SHROOM3: variants seen among roughly 807,000 people sequenced by gnomAD.
The protein encoded by SHROOM3 is protein Shroom3.
SHROOM3 carries 47 observed loss-of-function variants against 138.6 expected under a neutral mutation model. That is an observed-to-expected ratio of 0.34 (90% confidence interval 0.27 to 0.43). The LOEUF (loss-of-function observed/expected upper bound fraction) is 0.43. Among genes scored for constraint, SHROOM3 ranks in the 20% least tolerant of loss-of-function variants. The pLI is 1.00. For missense variants in SHROOM3, 2,491 were observed against 2,596.5 expected (o/e 0.96, Z 0.88); for synonymous variants, 1,062 against 1,063.3 (o/e 1.00, Z 0.02).
chr4:76,505,134 T>C (rs552169049), intron 1 of SHROOM3, among the ~76,000 whole-genome samples: 1 of 152,202 alleles, frequency 6.6e-6, no homozygotes, highest in Admixed American at 6.5e-5. Flanking sequence ...TGTGTACCCA[T>C]GTCCCATTAA....
intron 1 of SHROOM3, among the ~76,000 whole-genome samples, chr4:76,537,886 A>G (rs1579221322): frequency 6.6e-6 from 1 of 152,142 alleles, no homozygotes; most frequent in African/African-American, 2.4e-5. Flanking sequence ...TGAATATACT[A>G]AAAACCATTT....
At chr4:76,454,028 G>A (rs1218742754) in intron 1 of SHROOM3, among the ~76,000 whole-genome samples, 1 of 152,084 alleles carries the variant, frequency 6.6e-6, no homozygotes, top group African/African-American at 2.4e-5. Flanking sequence ...CTTTGATCTA[G>A]TTTTAATTTT....
At chr4:76,653,884 T>C (rs1196280188) in intron 2 of SHROOM3, among the ~76,000 whole-genome samples, 4 of 152,178 alleles carry the variant, frequency 2.6e-5, no homozygotes, top group African/African-American at 9.7e-5. Context: ...ATTTTATTTA[T>C]TGAGCCTTTG....
chr4:76,446,760 G>A (rs780420653), intron 1 of SHROOM3, among the ~76,000 whole-genome samples: 3 of 152,292 alleles, frequency 2.0e-5, no homozygotes, highest in Middle Eastern at 6.8e-3. Context: ...GATGAGCCCC[G>A]GTTATGAGCT....
At chr4:76,577,881 T>C (rs1469758386) in intron 2 of SHROOM3, among the ~76,000 whole-genome samples, 1 of 152,168 alleles carries the variant, frequency 6.6e-6, no homozygotes, top group African/African-American at 2.4e-5. Context: ...CCCCAGGAAA[T>C]TGGTTTAGGT....
chr4:76,733,426 G>C (rs537116743), intron 4 of SHROOM3, among the ~76,000 whole-genome samples: 135 of 152,320 alleles, frequency 8.9e-4, no homozygotes, highest in African/African-American at 3.2e-3. Flanking sequence ...CAGCACAAAA[G>C]CACTGCATGG....
At chr4:76,586,486 C>T (rs191237516) in intron 2 of SHROOM3, 1 of 983,530 alleles carries the variant, frequency 1.0e-6, no homozygotes, top group Non-Finnish European at 1.2e-6. Flanking sequence ...CCATTTTAAA[C>T]CAACGATTTC....
chr4:76,770,766 G>A lies in SHROOM3; in HGVS notation c.5490G>A (p.Glu1830=). 3.7e-6 allele frequency: 6 copies of A among 1,614,236 alleles called. No homozygotes were observed. The highest frequency in any genetic ancestry group is 5.1e-6 in the Non-Finnish European group (6 of 1,180,040). The change falls in exon 10 of 11, where the codon GAG becomes GAA. Residue 1830 remains glutamate, a synonymous_variant. Transcript: ENST00000296043. The part of the protein sequence containing the change: ...ALISELCKPN[E]FDKYRMFIGD... Reference sequence around the variant, plus strand: ...TCAGCGAGCTCTGCAAGCCCAATGAGTTTGACAAGTATAGGATGTTCATAG... The same window carrying A: ...TCAGCGAGCTCTGCAAGCCCAATGAATTTGACAAGTATAGGATGTTCATAG...
intron 1 of SHROOM3, among the ~76,000 whole-genome samples, chr4:76,543,400 T>C (rs1204270142): frequency 2.0e-5 from 3 of 152,194 alleles, no homozygotes; most frequent in African/African-American, 7.2e-5. Flanking sequence ...AGCGTGTGGC[T>C]TACCCAAAAG....
rs1732758538 is a variant in SHROOM3, at chr4:76,528,678, C to T, written c.169-26931C>T. On this transcript the variant is annotated intron_variant, in intron 1 of 10. Transcript: ENST00000296043. ...AGCGATTCTCCTGCCTCAGTCTCCC[C>T]AGTAGCTGGGATTATAGGCATGTGC... Among the ~76,000 whole-genome samples, 5 of 151,912 alleles carry T rather than the reference C, an allele frequency of 3.3e-5. No individual in the cohort carries two copies. In the South Asian group the frequency reaches 1.0e-3, roughly 32 times the overall value.
chr4:76,766,149 G>GGAT (rs1412973919), intron 9 of SHROOM3, among the ~76,000 whole-genome samples: 2 of 152,044 alleles, frequency 1.3e-5, no homozygotes, highest in African/African-American at 2.4e-5. Flanking sequence ...CGGTAAACGG[G>GGAT]GATAATAATA....
intron 2 of SHROOM3, among the ~76,000 whole-genome samples, chr4:76,665,493 C>T (rs1413358235): frequency 2.0e-5 from 3 of 152,216 alleles, no homozygotes; most frequent in Non-Finnish European, 4.4e-5. Flanking sequence ...TATGGACTTC[C>T]TGCACCAGCA....
intron 5 of SHROOM3, among the ~76,000 whole-genome samples, chr4:76,744,363 T>C (rs566527308): frequency 2.6e-5 from 4 of 152,184 alleles, no homozygotes; most frequent in Non-Finnish European, 5.9e-5. Context: ...TTCTGAACAA[T>C]GCATAGTCTC....
chr4:76,506,489 TG>T (rs1175412888), intron 1 of SHROOM3, among the ~76,000 whole-genome samples: 2 of 152,204 alleles, frequency 1.3e-5, no homozygotes, highest in Non-Finnish European at 2.9e-5. Context: ...TTGGTGTCTG[TG>T]GATGAGGGGG....
At chr4:76,697,563 T>A (rs965769963) in intron 2 of SHROOM3, among the ~76,000 whole-genome samples, 1 of 152,190 alleles carries the variant, frequency 6.6e-6, no homozygotes, top group Non-Finnish European at 1.5e-5. Context: ...CTCTGGAGCC[T>A]TATAATAGGT....
intron 1 of SHROOM3, among the ~76,000 whole-genome samples, chr4:76,521,562 A>G (rs960808575): frequency 2.6e-5 from 4 of 152,246 alleles, no homozygotes; most frequent in African/African-American, 9.6e-5. Flanking sequence ...ATGCAAGCCA[A>G]TACCACTCTA....
chr4:76,571,695 A>G (rs1318813358), intron 2 of SHROOM3, among the ~76,000 whole-genome samples: 2 of 152,194 alleles, frequency 1.3e-5, no homozygotes, highest in Non-Finnish European at 2.9e-5. Context: ...TTGTTCTGTG[A>G]TTTTATGTGG....
At chr4:76,776,543 T>G (rs1254072019) in intron 10 of SHROOM3, among the ~76,000 whole-genome samples, 3 of 152,212 alleles carry the variant, frequency 2.0e-5, no homozygotes, top group African/African-American at 7.2e-5. Context: ...GAAGATTGTC[T>G]TCTTTCCATC....
chr4:76,561,579 T>C (rs1478014922), intron 2 of SHROOM3, among the ~76,000 whole-genome samples: 1 of 151,646 alleles, frequency 6.6e-6, no homozygotes, highest in Non-Finnish European at 1.5e-5. Context: ...AAGAGTCTAG[T>C]TCTTCGAGGA....
Sources: gnomAD v4.1 joint callset for allele counts (sites outside exome capture counted in the v4.1 genomes callset) on GRCh38, gnomAD v4.1.1 for gene constraint, MANE v1.5 for transcripts, NCBI Gene and HGNC (gene_info 2026-07-23, HGNC 2026-07-21) for gene names.